Variants in LYZ observed in about 807,000 individuals in gnomAD.
LYZ encodes lysozyme.
Under a neutral mutation model 15.8 loss-of-function variants are expected in LYZ, and 18 were observed. The observed-to-expected ratio is 1.14, with a 90% CI of 0.79 to 1.69. The LOEUF (loss-of-function observed/expected upper bound fraction) is 1.69. Among genes scored for constraint, LYZ ranks in the 40% most tolerant of loss-of-function variants. LYZ has a pLI of 0.00. For missense variants in LYZ, 139 were observed against 182.8 expected, an observed-to-expected ratio of 0.76 and a Z score of 1.38; for synonymous variants, 60 against 61.7, an observed-to-expected ratio of 0.97 and a Z score of 0.13.
intron 3 of LYZ, among the ~76,000 whole-genome samples, chr12:69,352,937 A>G (rs185464451): frequency 2.0e-5 from 3 of 152,216 alleles, no homozygotes; most frequent in Non-Finnish European, 2.9e-5. Context: ...ACATTACTCA[A>G]TCTTTATGTT....
chr12:69,351,393 A>G (rs538487749), intron 2 of LYZ, among the ~76,000 whole-genome samples: 6 of 151,596 alleles, frequency 4.0e-5, no homozygotes, highest in Middle Eastern at 3.4e-3. Flanking sequence ...TATATTATAT[A>G]ATAATATTTG....
intron 1 of LYZ, 75 bp from the exon 2 acceptor site, chr12:69,350,033 A>G: frequency 8.3e-7 from 1 of 1,204,278 alleles, no homozygotes. Context: ...AGAAGTAGCT[A>G]AGTAGAACTG....
intron 2 of LYZ, 152 bp from the exon 3 acceptor site, chr12:69,352,068 A>G: frequency 1.7e-6 from 1 of 589,378 alleles, no homozygotes; most frequent in Non-Finnish European, 3.0e-6. Flanking sequence ...GAGAGAATGA[A>G]GAGAGTTTTC....
chr12:69,351,069 C>CTACTGCTG (rs1322461096), intron 2 of LYZ, among the ~76,000 whole-genome samples: 1 of 152,062 alleles, frequency 6.6e-6, no homozygotes, highest in Non-Finnish European at 1.5e-5. Flanking sequence ...CTGTACCTGG[C>CTACTGCTG]TACTGCTGAG....
chr12:69,352,755 A>G (rs1420252929), intron 3 of LYZ, among the ~76,000 whole-genome samples: 1 of 152,158 alleles, frequency 6.6e-6, no homozygotes, highest in African/African-American at 2.4e-5. Context: ...GGTGCCTGTA[A>G]TCCCAGCCAC....
chr12:69,352,318 A>T lies in LYZ; in HGVS notation c.380+20A>T, dbSNP rs750094984. On this transcript the variant is annotated intron_variant, in intron 3 of 3. Coordinates refer to ENST00000261267, the MANE Select transcript of LYZ (RefSeq NM_000239.3). The stretch of plus-strand genomic sequence containing the variant: ...AGCATGGTATGTTTTAAGTGTTAAA[A>T]GGGAAAACTATCTTACTCTACTGTT... 4.4e-6 allele frequency: 7 copies of T among 1,580,764 alleles called. No homozygotes were observed. The highest frequency in any genetic ancestry group is 6.1e-6 in the Non-Finnish European group (7 of 1,149,792).
At chr12:69,348,608 G>T (rs1874776869) in intron 1 of LYZ, 64 bp downstream of exon 1, 2 of 1,570,082 alleles carry the variant, frequency 1.3e-6, no homozygotes, top group Non-Finnish European at 1.8e-6. Context: ...AGGAGAGAAG[G>T]AAGAAGAAGA....
chr12:69,351,713 T>C (rs927070249), intron 2 of LYZ, among the ~76,000 whole-genome samples: 3 of 151,410 alleles, frequency 2.0e-5, no homozygotes, highest in African/African-American at 7.2e-5. Context: ...ATTTTCCAGA[T>C]GAGAAAAAAA....
intron 3 of LYZ, among the ~76,000 whole-genome samples, chr12:69,352,520 A>C (rs529923818): frequency 3.9e-5 from 6 of 152,340 alleles, no homozygotes; most frequent in African/African-American, 1.2e-4. Context: ...GGATTTCTAG[A>C]GTTTTAAGAT....
chr12:69,352,433 T>C lies in LYZ; in HGVS notation c.380+135T>C, dbSNP rs1418983840. The C allele has an allele frequency of 9.2e-6, 6 of 650,688 alleles. No homozygotes were observed. The East Asian group carries it at 1.4e-4, about 15-fold the overall frequency. The allele number at this position is 650,688 out of a possible 1,614,324, so 40.3% of individuals were successfully genotyped here. A position where few individuals can be genotyped will look rare whatever the true frequency, so the allele number is the denominator to read the frequency against. ...CTTTTGGCTTATGCTAAATGATGTA[T>C]TACCTACATCCTTGAAGAAACAATC... On this transcript the variant is annotated intron_variant, in intron 3 of 3. Coordinates refer to ENST00000261267, the MANE Select transcript of LYZ (RefSeq NM_000239.3).
intron 1 of LYZ, 27 bp downstream of exon 1, chr12:69,348,571 GA>G (rs1453258115): frequency 1.2e-6 from 2 of 1,613,666 alleles, no homozygotes; most frequent in Non-Finnish European, 1.7e-6. Context: ...TAATTCCAGA[GA>G]ATTAGCTACG....
At chr12:69,352,790 G>C (rs1347971367) in intron 3 of LYZ, among the ~76,000 whole-genome samples, 1 of 152,208 alleles carries the variant, frequency 6.6e-6, no homozygotes, top group Non-Finnish European at 1.5e-5. Context: ...CAGGAGACTT[G>C]CTTGAACCCG....
chr12:69,350,757 T>G (rs1370246998), intron 2 of LYZ, among the ~76,000 whole-genome samples: 1 of 133,674 alleles, frequency 7.5e-6, no homozygotes, highest in East Asian at 2.1e-4. Context: ...TTTTTTTTTT[T>G]TTTTTTTTTT....
At chr12:69,351,949 T>C (rs1874851560) in intron 2 of LYZ, among the ~76,000 whole-genome samples, 1 of 152,220 alleles carries the variant, frequency 6.6e-6, no homozygotes, top group Non-Finnish European at 1.5e-5. Context: ...TAGGTGTTTT[T>C]TTACAGTGTC....
intron 2 of LYZ, among the ~76,000 whole-genome samples, chr12:69,350,912 T>A (rs12313465): frequency 0.012 from 1,849 of 152,016 alleles, 20 homozygotes; most frequent in African/African-American, 0.029. Flanking sequence ...TAGCTGGGAC[T>A]ACAGGTGTGC....
At chr12:69,349,573 C>T (rs1370103914) in intron 1 of LYZ, among the ~76,000 whole-genome samples, 1 of 152,206 alleles carries the variant, frequency 6.6e-6, no homozygotes, top group Admixed American at 6.5e-5. Flanking sequence ...TGAATTCAGA[C>T]ATTTCCCCTC....
chr12:69,350,456 G>A, intron 2 of LYZ, 184 bp downstream of exon 2: 5 of 624,628 alleles, frequency 8.0e-6, no homozygotes, highest in Non-Finnish European at 1.4e-5. Flanking sequence ...ATCATAAAAG[G>A]TTGATGTTTT....
rs1366516190 is a variant in LYZ at position 69,354,108 on chromosome 12, A to G, written c.*889A>G. The G allele has an allele frequency of 6.6e-6, 1 of 152,196 alleles. No homozygotes were observed. Among genetic ancestry groups the G allele is most frequent in the Admixed American group, 6.5e-5 (1 of 15,284 alleles). The allele number at this position is 152,196 out of a possible 1,614,324, so 9.4% of individuals were successfully genotyped here. A position where few individuals can be genotyped will look rare whatever the true frequency, so the allele number is the denominator to read the frequency against. On this transcript the variant is annotated 3_prime_UTR_variant, in exon 4 of 4. Coordinates refer to ENST00000261267, the MANE Select transcript of LYZ (RefSeq NM_000239.3). ...TTCCTTAATTTGATTAATTTAATTC[A>G]TGTATTATGATTAAATCTGAGGCAG...
At chr12:69,348,948 T>C (rs1289693975) in intron 1 of LYZ, among the ~76,000 whole-genome samples, 3 of 152,156 alleles carry the variant, frequency 2.0e-5, no homozygotes, top group Non-Finnish European at 4.4e-5. Context: ...ATGCAGTATT[T>C]TTCTTGTCTT....
Sources: allele counts gnomAD v4.1 joint callset (sites outside exome capture counted in the v4.1 genomes callset), GRCh38; gene constraint gnomAD v4.1.1; transcripts MANE v1.5; gene names NCBI Gene and HGNC (gene_info 2026-07-23, HGNC 2026-07-21).